The following CCSER1 variants were observed in gnomAD, a reference collection of about 807,000 sequenced individuals.
CCSER1 encodes serine-rich coiled-coil domain-containing protein 1.
CCSER1 carries 41 observed loss-of-function variants against 82.0 expected under a neutral mutation model. The observed-to-expected ratio is 0.50, with a 90% confidence interval of 0.39 to 0.65. CCSER1 has a LOEUF of 0.65. CCSER1 is among the 30% of genes least tolerant of loss of function. The probability of loss-of-function intolerance (pLI) is 0.00; values close to 1 mark genes in which losing one functional copy is unlikely to be tolerated. For missense variants in CCSER1, 1,119 were observed against 1,064.2 expected (o/e 1.05, Z -0.72); for synonymous variants, 414 against 383.9 (o/e 1.08, Z -0.92).
intron 10 of CCSER1, among the ~76,000 whole-genome samples, chr4:91,107,718 T>G (rs577625488): frequency 5.3e-5 from 8 of 152,060 alleles, no homozygotes; most frequent in African/African-American, 1.9e-4. Context: ...TCTTTTACAT[T>G]TACCACCAGT....
chr4:91,593,575 G>T (rs1764377068), intron 10 of CCSER1, among the ~76,000 whole-genome samples: 1 of 142,110 alleles, frequency 7.0e-6, no homozygotes, highest in South Asian at 2.2e-4. Flanking sequence ...GCCTCCCAAA[G>T]TGCTGGGATT....
rs755992240 is a variant in CCSER1, at chr4:91,336,448, G to C, written c.2217+250454G>C. On this transcript the variant is annotated intron_variant, in intron 10 of 10. Transcript: ENST00000509176. ...AAGGTATAAGCCTAGTATTTGCTAC[G>C]CTATGCCTTTCCCTTAATACATTGC... 4.9e-4 allele frequency among the ~76,000 whole-genome samples: 74 copies of C among 151,992 alleles called. 1 individual carries two copies. The highest frequency in any genetic ancestry group is 7.7e-4 in the Non-Finnish European group (52 of 67,950).
intron 6 of CCSER1, among the ~76,000 whole-genome samples, chr4:90,631,830 T>C (rs1281873959): frequency 6.6e-6 from 1 of 152,196 alleles, no homozygotes; most frequent in Non-Finnish European, 1.5e-5. Flanking sequence ...AAACCACTTG[T>C]TTTATACATA....
At position 90,346,367 on chromosome 4, in the gene CCSER1, A is replaced by G. The variant is rs543669275; in HGVS notation, c.1509+33320A>G. The stretch of plus-strand genomic sequence containing the variant: ...CGTGTAGATCTCTCTTCTTTATTGC[A>G]GTAAAATTATGGTAATTTATATTTA... On this transcript the variant is annotated intron_variant, in intron 3 of 10. Transcript: ENST00000509176. Among the ~76,000 whole-genome samples, 292 of 83,286 alleles carry G rather than the reference A, an allele frequency of 3.5e-3. 1 individual carries two copies. The highest frequency in any genetic ancestry group is 0.012 in the African/African-American group (254 of 20,616). The allele number at this position is 83,286 out of a possible 152,430, so 54.6% of individuals were successfully genotyped here. A position where few individuals can be genotyped will look rare whatever the true frequency, so the allele number is the denominator to read the frequency against.
intron 6 of CCSER1, among the ~76,000 whole-genome samples, chr4:90,648,311 A>AAGAAAGAAAGAAAGAAAG (rs1301681176): frequency 2.0e-5 from 3 of 151,214 alleles, no homozygotes; most frequent in Non-Finnish European, 4.4e-5. Flanking sequence ...GAAAGAAAGA[A>AAGAAAGAAAGAAAGAAAG]AGAAAGAAAG....
intron 4 of CCSER1, among the ~76,000 whole-genome samples, chr4:90,428,231 C>T (rs1757798143): frequency 1.3e-5 from 2 of 151,784 alleles, no homozygotes; most frequent in African/African-American, 4.8e-5. Context: ...CCATCTTTCC[C>T]TGACCTTTCT....
At chr4:90,238,075 A>T (rs1746125000) in intron 1 of CCSER1, among the ~76,000 whole-genome samples, 1 of 152,192 alleles carries the variant, frequency 6.6e-6, no homozygotes, top group Non-Finnish European at 1.5e-5. Context: ...GGTAATGAGA[A>T]CCTATATTAA....
intron 9 of CCSER1, among the ~76,000 whole-genome samples, chr4:91,084,474 C>A (rs1041678373): frequency 2.6e-5 from 4 of 151,914 alleles, no homozygotes; most frequent in Admixed American, 2.6e-4. Context: ...TGTTAAAGGG[C>A]ATAGAGAAGA....
intron 3 of CCSER1, among the ~76,000 whole-genome samples, chr4:90,316,050 A>C (rs1338375339): frequency 6.6e-6 from 1 of 152,202 alleles, no homozygotes; most frequent in Non-Finnish European, 1.5e-5. Context: ...ATTTTAAAGC[A>C]ATTATAATAG....
chr4:90,176,079 G>GT (rs1313868785), intron 1 of CCSER1, among the ~76,000 whole-genome samples: 1 of 151,806 alleles, frequency 6.6e-6, no homozygotes, highest in Non-Finnish European at 1.5e-5. Flanking sequence ...GAAAGGGGTG[G>GT]ACAAGAGGGC....
intron 5 of CCSER1, among the ~76,000 whole-genome samples, chr4:90,473,965 A>G (rs1438126185): frequency 2.6e-5 from 4 of 152,218 alleles, no homozygotes; most frequent in East Asian, 1.9e-4. Context: ...AGCAGGTGAA[A>G]TCCCTTCTGT....
intron 10 of CCSER1, among the ~76,000 whole-genome samples, chr4:91,218,128 T>G (rs529665544): frequency 6.6e-6 from 1 of 152,328 alleles, no homozygotes; most frequent in East Asian, 1.9e-4. Flanking sequence ...GGAAGGCAGC[T>G]AAGGCCCAGC....
At chr4:91,161,797 G>A (rs958845570) in intron 10 of CCSER1, among the ~76,000 whole-genome samples, 1 of 151,990 alleles carries the variant, frequency 6.6e-6, no homozygotes, top group African/African-American at 2.4e-5. Context: ...TAAGACATAA[G>A]CAACATGAAG....
rs145810232 is a variant in CCSER1 at position 91,487,465 on chromosome 4, T to G, written c.2218-111107T>G. On this transcript the variant is annotated intron_variant, in intron 10 of 10. Transcript: ENST00000509176. ...AGAATAATAGAGAAAACTAAGTAATTTGTATGTTATCAGATAAAGTAAAAG... is the reference window on the plus strand; with the variant it reads ...AGAATAATAGAGAAAACTAAGTAATGTGTATGTTATCAGATAAAGTAAAAG... Among the ~76,000 whole-genome samples, 937 of 152,224 alleles carry G rather than the reference T, an allele frequency of 6.2e-3. 11 individuals carry two copies. The highest frequency in any genetic ancestry group is 0.022 in the African/African-American group (905 of 41,542).
intron 1 of CCSER1, among the ~76,000 whole-genome samples, chr4:90,243,498 C>T (rs1246654920): frequency 6.6e-6 from 1 of 152,108 alleles, no homozygotes; most frequent in Non-Finnish European, 1.5e-5. Flanking sequence ...TCACCTGCCT[C>T]AGCCTCCCAG....
At chr4:90,286,133 G>A (rs1037309992) in intron 1 of CCSER1, among the ~76,000 whole-genome samples, 2 of 151,850 alleles carry the variant, frequency 1.3e-5, no homozygotes, top group East Asian at 1.9e-4. Flanking sequence ...TTGGTATTGG[G>A]GTAATACTGG....
At position 90,273,402 on chromosome 4, in the gene CCSER1, G is replaced by T. The variant is rs188398157; in HGVS notation, c.-41-34842G>T. On this transcript the variant is annotated intron_variant, in intron 1 of 10. Coordinates refer to ENST00000509176, the MANE Select transcript of CCSER1 (RefSeq NM_001145065.2). ...AACACAAAGGATCAGGGCTTGAGGT[G>T]ATAGATACCTCATTTGCCCTGATGT... Among the ~76,000 whole-genome samples, 477 of 152,218 alleles carry T rather than the reference G, an allele frequency of 3.1e-3. 7 individuals are homozygous for T. The highest frequency in any genetic ancestry group is 0.011 in the African/African-American group (461 of 41,524).
intron 9 of CCSER1, among the ~76,000 whole-genome samples, chr4:91,042,886 G>T (rs1220624989): frequency 6.6e-6 from 1 of 152,058 alleles, no homozygotes. Context: ...TCTGCATTCC[G>T]GTATTTTAGG....
At chr4:90,636,863 A>G (rs1725503750) in intron 6 of CCSER1, among the ~76,000 whole-genome samples, 1 of 152,202 alleles carries the variant, frequency 6.6e-6, no homozygotes, top group Admixed American at 6.6e-5. Flanking sequence ...AGGCATAAAT[A>G]TTTGAAAGAA....
Sources: gnomAD v4.1 joint callset for allele counts (sites outside exome capture counted in the v4.1 genomes callset) on GRCh38, gnomAD v4.1.1 for gene constraint, MANE v1.5 for transcripts, NCBI Gene and HGNC (gene_info 2026-07-23, HGNC 2026-07-21) for gene names.